OSBPL8: variants seen among roughly 807,000 people sequenced by gnomAD.
OSBPL8 encodes oxysterol-binding protein-related protein 8.
A neutral mutation model predicts 125.5 loss-of-function variants in OSBPL8; 59 were observed. The observed-to-expected ratio is 0.47, with a 90% CI of 0.38 to 0.58. The LOEUF (loss-of-function observed/expected upper bound fraction) is 0.58, where lower values mean the gene tolerates loss of function less well. OSBPL8 is among the 20% of genes least tolerant of loss of function. The pLI, the probability that OSBPL8 is intolerant of heterozygous loss-of-function variation, is 0.00. For synonymous variants in OSBPL8, 330 were observed against 338.9 expected, an observed-to-expected ratio of 0.97 and a Z score of 0.29; for missense variants, 758 against 1,047.8, an observed-to-expected ratio of 0.72 and a Z score of 3.82.
chr12:76,490,598 C>T (rs1470196581), intron 1 of OSBPL8, among the ~76,000 whole-genome samples: 1 of 152,222 alleles, frequency 6.6e-6, no homozygotes, highest in East Asian at 1.9e-4. Flanking sequence ...TTAAGAGCCA[C>T]TTTCATGGCA....
intron 6 of OSBPL8, among the ~76,000 whole-genome samples, chr12:76,401,072 C>A (rs193012549): frequency 1.3e-4 from 20 of 152,206 alleles, no homozygotes; most frequent in Admixed American, 9.2e-4. Context: ...CGTGAGCCAC[C>A]ACACCTGGCC....
rs145793687 is a variant in OSBPL8, at chr12:76,478,021, T to C, written c.42+9489A>G. ...GAGTTTGGGATCAGCCTGGCCAACA[T>C]GGTGAAACTCCATCTCTACTAAAAA... On this transcript the variant is annotated intron_variant, in intron 2 of 23. Transcript: ENST00000261183. Among the ~76,000 whole-genome samples the C allele has an allele frequency of 3.3e-3, 495 of 151,994 alleles. 6 individuals carry two copies. Among genetic ancestry groups the C allele is most frequent in the African/African-American group, 0.011 (451 of 41,466 alleles).
chr12:76,363,735 G>A (rs745600156), intron 21 of OSBPL8, among the ~76,000 whole-genome samples: 37 of 152,046 alleles, frequency 2.4e-4, no homozygotes, highest in Admixed American at 5.2e-4. Flanking sequence ...CTACAGAATG[G>A]GAGAAAATGT....
intron 1 of OSBPL8, among the ~76,000 whole-genome samples, chr12:76,539,052 G>GC (rs1232414883): frequency 7.2e-6 from 1 of 138,960 alleles, no homozygotes; most frequent in Non-Finnish European, 1.6e-5. Context: ...AAATAACTGG[G>GC]GGGGGGGAGG....
chr12:76,484,541 A>G (rs1397683466), intron 2 of OSBPL8, among the ~76,000 whole-genome samples: 1 of 152,206 alleles, frequency 6.6e-6, no homozygotes, highest in Non-Finnish European at 1.5e-5. Flanking sequence ...TATTTTCTCA[A>G]TTAATATTGA....
Position 76,364,959 on chromosome 12 carries a change from T to C in OSBPL8, c.2328+4255A>G, listed in dbSNP as rs184568790. Among the ~76,000 whole-genome samples, 128 of 152,280 alleles carry C rather than the reference T, an allele frequency of 8.4e-4. 1 individual carries two copies. Among genetic ancestry groups the C allele is most frequent in the Non-Finnish European group, 1.5e-3 (101 of 68,020 alleles). On this transcript the variant is annotated intron_variant, in intron 21 of 23. Coordinates refer to ENST00000261183, the MANE Select transcript of OSBPL8 (RefSeq NM_020841.5). The stretch of plus-strand genomic sequence containing the variant: ...CGAATCTGTAGGTTGCTTTTAGTAG[T>C]ACAGTTACGTCCTTATTTTTTTGAG...
rs1161169920 is a variant in OSBPL8, at chr12:76,394,728, C to A, written c.674G>T (p.Gly225Val). Residue 225 changes from glycine (G) to valine (V), a missense_variant and splice_region_variant, in exon 9 of 24, where the codon GGT becomes GTT. Gly to Val is a moderately radical substitution (Grantham distance 109). Coordinates refer to ENST00000261183, the MANE Select transcript of OSBPL8 (RefSeq NM_020841.5). The part of the protein sequence containing the change: ...PLEQSIWAVK[G>V]PKGEAVGSIT... ...GGATCCAACCGCTTCACCTTTTGGACCCTTAATAACAAAATAAACAAAATA... is the reference window on the plus strand; with the variant it reads ...GGATCCAACCGCTTCACCTTTTGGAACCTTAATAACAAAATAAACAAAATA... The A allele has an allele frequency of 6.2e-7, 1 of 1,605,974 alleles. No homozygotes were observed. The highest frequency in any genetic ancestry group is 8.5e-7 in the Non-Finnish European group (1 of 1,176,452).
chr12:76,453,313 A>T (rs1460504869), intron 3 of OSBPL8, among the ~76,000 whole-genome samples: 1 of 152,200 alleles, frequency 6.6e-6, no homozygotes, highest in African/African-American at 2.4e-5. Context: ...CATAAAGTAT[A>T]TGGTGTCTCT....
intron 22 of OSBPL8, 118 bp downstream of exon 22, chr12:76,358,588 C>T (rs1952079860): frequency 2.5e-6 from 2 of 815,038 alleles, no homozygotes; most frequent in South Asian, 1.7e-5. Flanking sequence ...TTTTGTATCT[C>T]AACCCTGCCC....
chr12:76,391,654 T>C (rs1281614761), intron 10 of OSBPL8, among the ~76,000 whole-genome samples: 3 of 152,168 alleles, frequency 2.0e-5, no homozygotes, highest in African/African-American at 7.2e-5. Context: ...TTCTCACTAC[T>C]GGGCAGGTTG....
intron 1 of OSBPL8, among the ~76,000 whole-genome samples, chr12:76,503,912 T>C (rs78612905): frequency 0.013 from 2,005 of 152,186 alleles, 32 homozygotes; most frequent in African/African-American, 0.041. Context: ...TAATGGTTCA[T>C]TTTATGTGTC....
chr12:76,520,011 G>A (rs1049829809), intron 1 of OSBPL8, among the ~76,000 whole-genome samples: 1 of 152,072 alleles, frequency 6.6e-6, no homozygotes, highest in Non-Finnish European at 1.5e-5. Flanking sequence ...CCAGAAACAA[G>A]AACAGCAGTT....
intron 3 of OSBPL8, among the ~76,000 whole-genome samples, chr12:76,456,114 G>C (rs1255797106): frequency 6.6e-6 from 1 of 152,136 alleles, no homozygotes; most frequent in Non-Finnish European, 1.5e-5. Context: ...TATAAAATTT[G>C]AAGAATTTTA....
At chr12:76,436,353 T>G (rs1480815655) in intron 4 of OSBPL8, among the ~76,000 whole-genome samples, 1 of 152,170 alleles carries the variant, frequency 6.6e-6, no homozygotes, top group African/African-American at 2.4e-5. Context: ...TTACTTCATC[T>G]AAAAATGTAA....
intron 21 of OSBPL8, among the ~76,000 whole-genome samples, chr12:76,365,918 T>G (rs148219596): frequency 2.8e-4 from 42 of 152,320 alleles, no homozygotes; most frequent in African/African-American, 9.9e-4. Flanking sequence ...GAACCAACCT[T>G]GCATTTCTGG....
intron 16 of OSBPL8, among the ~76,000 whole-genome samples, chr12:76,377,338 G>A (rs983845382): frequency 6.6e-6 from 1 of 152,098 alleles, no homozygotes; most frequent in African/African-American, 2.4e-5. Context: ...CTAGATCCTT[G>A]AGGGATAGCC....
chr12:76,415,284 A>G (rs1592639368), intron 4 of OSBPL8, among the ~76,000 whole-genome samples: 1 of 143,442 alleles, frequency 7.0e-6, no homozygotes, highest in East Asian at 2.0e-4. Context: ...TCGCTCTGTC[A>G]CCCAGGCTGC....
intron 21 of OSBPL8, among the ~76,000 whole-genome samples, chr12:76,364,731 C>T (rs946821988): frequency 1.2e-4 from 19 of 152,140 alleles, no homozygotes; most frequent in Non-Finnish European, 2.8e-4. Context: ...GGTCAATATG[C>T]CTGTTCTTAC....
intron 21 of OSBPL8, among the ~76,000 whole-genome samples, chr12:76,367,018 C>T (rs887175809): frequency 3.9e-5 from 6 of 152,110 alleles, no homozygotes; most frequent in African/African-American, 1.4e-4. Flanking sequence ...TGTATTCTTC[C>T]ATGGTTGGGT....
Sources: allele counts gnomAD v4.1 joint callset (sites outside exome capture counted in the v4.1 genomes callset), GRCh38; gene constraint gnomAD v4.1.1; transcripts MANE v1.5; gene names NCBI Gene and HGNC (gene_info 2026-07-23, HGNC 2026-07-21).